Variants in KLHDC10 observed in about 807,000 individuals in gnomAD.
KLHDC10 encodes kelch domain containing 10, also known as kelch domain-containing protein 10.
Under a neutral mutation model 56.1 loss-of-function variants are expected in KLHDC10, and 24 were observed. The ratio of observed to expected loss-of-function variants is 0.43; its 90% CI spans 0.31 to 0.60. KLHDC10 has a LOEUF of 0.60. Among genes scored for constraint, KLHDC10 ranks in the 20% least tolerant of loss-of-function variants. KLHDC10 has a pLI of 0.11. For synonymous variants in KLHDC10, 188 were observed against 207.1 expected (o/e 0.91, Z 0.79); for missense variants, 349 against 567.0 (o/e 0.62, Z 3.91).
intron 1 of KLHDC10, among the ~76,000 whole-genome samples, chr7:130,093,308 A>G (rs1395264593): frequency 6.9e-6 from 1 of 143,980 alleles, no homozygotes; most frequent in Non-Finnish European, 1.5e-5. Flanking sequence ...GGGCTCAAGC[A>G]GTTCTCCTGC....
rs149681068 is a variant in KLHDC10 at position 130,119,105 on chromosome 7, C to T, written c.476-1644C>T. Among the ~76,000 whole-genome samples, 879 of 151,210 alleles carry T rather than the reference C, an allele frequency of 5.8e-3. 7 individuals are homozygous for T. The highest frequency in any genetic ancestry group is 0.02 in the African/African-American group (818 of 41,092). On this transcript the variant is annotated intron_variant, in intron 3 of 9. Transcript: ENST00000335420. ...GTACATATAGTCCCAGCTACCTGGA[C>T]ATCTGAGGTGGGAGGATCACTTAAG...
intron 2 of KLHDC10, among the ~76,000 whole-genome samples, chr7:130,097,437 G>A (rs1036214980): frequency 1.3e-5 from 2 of 151,958 alleles, no homozygotes; most frequent in African/African-American, 4.8e-5. Context: ...ATAAAAAAGA[G>A]AATTATTTGT....
rs1462407396 is a variant in KLHDC10, at chr7:130,132,173, T to C, written c.*1427T>C. 6.6e-6 allele frequency: 1 copy of C among 152,100 alleles called. No homozygotes were observed. Among genetic ancestry groups the C allele is most frequent in the African/African-American group, 2.4e-5 (1 of 41,410 alleles). 9.4% of individuals were successfully genotyped at this position (152,100 alleles called of 1,614,324 possible). On this transcript the variant is annotated 3_prime_UTR_variant, in exon 10 of 10. Transcript: ENST00000335420. The stretch of plus-strand genomic sequence containing the variant: ...ACCATGCGCATGTGTAAGCCGCAGG[T>C]GTACTCAAGGTGCTGAAGGCGTGCA...
At chr7:130,128,887 AAAAT>A (rs1344546485) in intron 8 of KLHDC10, among the ~76,000 whole-genome samples, 2 of 68,282 alleles carry the variant, frequency 2.9e-5, no homozygotes, top group African/African-American at 6.8e-5. Flanking sequence ...AAAAAAAAAA[AAAAT>A]ATATATATAT....
intron 1 of KLHDC10, among the ~76,000 whole-genome samples, chr7:130,087,512 A>C (rs1795707699): frequency 6.6e-6 from 1 of 152,116 alleles, no homozygotes; most frequent in Non-Finnish European, 1.5e-5. Context: ...TGAAATTAGA[A>C]GTATTATGAC....
intron 2 of KLHDC10, among the ~76,000 whole-genome samples, chr7:130,109,472 T>G (rs1259070266): frequency 6.6e-6 from 1 of 152,130 alleles, no homozygotes; most frequent in Non-Finnish European, 1.5e-5. Context: ...TGTTTGCTCC[T>G]GAAAAACAGA....
At chr7:130,104,071 G>C (rs938670813) in intron 2 of KLHDC10, among the ~76,000 whole-genome samples, 1 of 151,968 alleles carries the variant, frequency 6.6e-6, no homozygotes, top group South Asian at 2.1e-4. Context: ...CTGGGCAACA[G>C]AGCAAGACTC....
chr7:130,100,689 T>G (rs180954273), intron 2 of KLHDC10, among the ~76,000 whole-genome samples: 236 of 152,308 alleles, frequency 1.5e-3, no homozygotes, highest in Middle Eastern at 0.01. Flanking sequence ...TATCTATACT[T>G]TTGAAATAGC....
intron 6 of KLHDC10, among the ~76,000 whole-genome samples, chr7:130,124,991 A>T (rs1796295944): frequency 6.6e-6 from 1 of 152,240 alleles, no homozygotes; most frequent in Non-Finnish European, 1.5e-5. Context: ...CTAAAATGTC[A>T]TAGTCACACA....
rs1484948697 is a variant in KLHDC10, at chr7:130,106,980, TAAAC to T, written c.254-9461_254-9458del. On this transcript the variant is annotated intron_variant, in intron 2 of 9. Coordinates refer to ENST00000335420, the MANE Select transcript of KLHDC10 (RefSeq NM_014997.4). ...AGCAAGACCCTGTCTCAAAAATAAATAAACAAATAAACCCCACATCCATTCCTGG... is the reference window on the plus strand; with the variant it reads ...AGCAAGACCCTGTCTCAAAAATAAATAAATAAACCCCACATCCATTCCTGG... Among the ~76,000 whole-genome samples, 18 of 152,134 alleles carry T rather than the reference TAAAC, an allele frequency of 1.2e-4. No individual in the cohort carries two copies. In the South Asian group the frequency reaches 3.7e-3, roughly 32 times the overall value.
intron 2 of KLHDC10, among the ~76,000 whole-genome samples, chr7:130,108,157 G>A (rs1040705408): frequency 6.6e-6 from 1 of 152,040 alleles, no homozygotes; most frequent in African/African-American, 2.4e-5. Flanking sequence ...TGAACCCGGA[G>A]GCGGAAGTTG....
intron 1 of KLHDC10, among the ~76,000 whole-genome samples, chr7:130,082,086 G>T (rs2116847189): frequency 6.6e-6 from 1 of 152,288 alleles, no homozygotes; most frequent in African/African-American, 2.4e-5. Flanking sequence ...GCCGAGGCGG[G>T]CAAAAAGCTT....
At chr7:130,071,754 G>A (rs999405427) in intron 1 of KLHDC10, among the ~76,000 whole-genome samples, 5 of 152,164 alleles carry the variant, frequency 3.3e-5, no homozygotes, top group African/African-American at 1.2e-4. Context: ...CGTGTTTTTT[G>A]TGAATAATAT....
At chr7:130,072,902 C>G (rs561911028) in intron 1 of KLHDC10, among the ~76,000 whole-genome samples, 1 of 151,984 alleles carries the variant, frequency 6.6e-6, no homozygotes, top group African/African-American at 2.4e-5. Context: ...ATTACAGGCG[C>G]CCACCACCAC....
In KLHDC10 at chr7:130,070,772, C is replaced by G; in HGVS notation, c.129C>G (p.Asn43Lys). The G allele has an allele frequency of 1.5e-6, 2 of 1,308,066 alleles. No homozygotes were observed. Among genetic ancestry groups the G allele is most frequent in the Non-Finnish European group, 1.9e-6 (2 of 1,026,312 alleles). The allele number at this position is 1,308,066 out of a possible 1,614,324, so 81.0% of individuals were successfully genotyped here. Reference protein sequence around the residue: ...GSGGRGTGQLNRFVQLSGRPH... With the variant: ...GSGGRGTGQLKRFVQLSGRPH... The stretch of plus-strand genomic sequence containing the variant: ...GGGGTCGGGGGACTGGCCAGCTCAA[C>G]CGCTTCGTGCAACTCTCCGGGCGGC... Residue 43 changes from asparagine to lysine, a missense_variant, in exon 1 of 10, where the codon AAC (asparagine) becomes AAG (lysine). Asn to Lys is a moderately conservative substitution (Grantham distance 94, BLOSUM62 0). This residue lies in a region of KLHDC10 where 104 missense variants were observed against 97.0 expected (regional missense o/e 1.07). Transcript: ENST00000335420.
At chr7:130,121,605 TC>T (rs1384083896) in intron 4 of KLHDC10, among the ~76,000 whole-genome samples, 3 of 152,240 alleles carry the variant, frequency 2.0e-5, no homozygotes, top group Non-Finnish European at 4.4e-5. Context: ...GCTGAAACTT[TC>T]ATTGAAAAGG....
At chr7:130,115,437 C>T (rs572227502) in intron 2 of KLHDC10, among the ~76,000 whole-genome samples, 9 of 151,714 alleles carry the variant, frequency 5.9e-5, no homozygotes, top group African/African-American at 1.4e-4. Context: ...TAGTTGAGAC[C>T]GGGTGCAGTA....
At chr7:130,073,515 C>T (rs540133805) in intron 1 of KLHDC10, among the ~76,000 whole-genome samples, 47 of 151,778 alleles carry the variant, frequency 3.1e-4, no homozygotes, top group African/African-American at 1.0e-3. Context: ...AGGCTGGGCT[C>T]GAACTCCTGG....
At chr7:130,110,528 G>A (rs1318459960) in intron 2 of KLHDC10, among the ~76,000 whole-genome samples, 1 of 152,178 alleles carries the variant, frequency 6.6e-6, no homozygotes. Context: ...ATTGTGGGCT[G>A]GTGTGAATGG....
Sources: allele counts gnomAD v4.1 joint callset (sites outside exome capture counted in the v4.1 genomes callset), GRCh38; gene constraint gnomAD v4.1.1; regional missense constraint gnomAD v4.1.1; transcripts MANE v1.5; gene names NCBI Gene and HGNC (gene_info 2026-07-23, HGNC 2026-07-21).